The following KIAA1217 variants were observed in gnomAD, a reference collection of about 807,000 sequenced individuals.
The protein encoded by KIAA1217 is sickle tail protein homolog.
In KIAA1217, 88 loss-of-function variants were observed where a neutral mutation model predicts 163.9. That is an observed-to-expected ratio of 0.54 (90% CI 0.45 to 0.64). The LOEUF (loss-of-function observed/expected upper bound fraction) is 0.64. KIAA1217 is among the 30% of genes least tolerant of loss of function. KIAA1217 has a pLI of 0.00. For synonymous variants in KIAA1217, 903 were observed against 923.1 expected, an observed-to-expected ratio of 0.98 and a Z score of 0.39; for missense variants, 2,372 against 2,475.0, an observed-to-expected ratio of 0.96 and a Z score of 0.88.
intron 2 of KIAA1217, among the ~76,000 whole-genome samples, chr10:24,185,083 A>T (rs958764953): frequency 6.6e-6 from 1 of 152,166 alleles, no homozygotes; most frequent in Non-Finnish European, 1.5e-5. Context: ...TTAAGAAGAG[A>T]CTGCTCTTAC....
Position 24,252,421 on chromosome 10 carries a change from TA to T in KIAA1217, c.354+32521del, listed in dbSNP as rs200150975. Among the ~76,000 whole-genome samples, 17 of 150,920 alleles carry T rather than the reference TA, an allele frequency of 1.1e-4. No homozygotes were observed. In the East Asian group the frequency reaches 3.1e-3, roughly 28 times the overall value. On this transcript the variant is annotated intron_variant, in intron 2 of 20. Coordinates refer to ENST00000376454, the MANE Select transcript of KIAA1217 (RefSeq NM_019590.5). The stretch of plus-strand genomic sequence containing the variant: ...TGTGAGAGCCTGTCCCTACAAAAAA[TA>T]AAAAAAAATTAGCCAGGCATGCTGG...
intron 1 of KIAA1217, among the ~76,000 whole-genome samples, chr10:24,005,937 G>T (rs554162117): frequency 3.9e-5 from 6 of 152,110 alleles, no homozygotes; most frequent in Non-Finnish European, 8.8e-5. Context: ...TACTCATCAA[G>T]AACTTATAGC....
chr10:24,358,782 G>A (rs1465177585), intron 2 of KIAA1217, among the ~76,000 whole-genome samples: 1 of 152,276 alleles, frequency 6.6e-6, no homozygotes, highest in East Asian at 1.9e-4. Context: ...GCATTGCAAT[G>A]GCAAGGTCAT....
intron 2 of KIAA1217, among the ~76,000 whole-genome samples, chr10:24,107,319 A>C (rs1164673227): frequency 6.6e-6 from 1 of 152,080 alleles, no homozygotes; most frequent in African/African-American, 2.4e-5. Context: ...TGTCTTCACT[A>C]TTGTGAATAG....
intron 2 of KIAA1217, among the ~76,000 whole-genome samples, chr10:24,365,149 G>A (rs1055257819): frequency 6.6e-6 from 1 of 152,090 alleles, no homozygotes; most frequent in Non-Finnish European, 1.5e-5. Flanking sequence ...CTAAAGCAAT[G>A]GCTGTAGCGA....
intron 1 of KIAA1217, among the ~76,000 whole-genome samples, chr10:24,006,413 A>C (rs1186720563): frequency 6.6e-6 from 1 of 152,182 alleles, no homozygotes; most frequent in Non-Finnish European, 1.5e-5. Context: ...ACAAATTTCT[A>C]TTGGGAAAAA....
chr10:23,903,155 C>G (rs1297639142), intron 1 of KIAA1217, among the ~76,000 whole-genome samples: 1 of 152,094 alleles, frequency 6.6e-6, no homozygotes, highest in African/African-American at 2.4e-5. Flanking sequence ...GGAAATCCCT[C>G]CTCCATCCCT....
chr10:23,995,479 TGTGA>T (rs1388972266), intron 1 of KIAA1217, among the ~76,000 whole-genome samples: 20 of 151,098 alleles, frequency 1.3e-4, no homozygotes, highest in South Asian at 1.1e-3. Context: ...TGTGTGTGTG[TGTGA>T]GTGTGTGTGT....
rs576268043 is a variant in KIAA1217 at position 24,383,381 on chromosome 10, AGAACG to A, written c.553+2316_553+2320del. On this transcript the variant is annotated intron_variant, in intron 3 of 20. Transcript: ENST00000376454. Reference sequence around the variant, plus strand: ...AAGGAAGGAATTTCCTCTGCAGCCAAGAACGGTTGGCAGTGCAGGTTGAGACTTGC... The same window carrying A: ...AAGGAAGGAATTTCCTCTGCAGCCAAGTTGGCAGTGCAGGTTGAGACTTGC... Among the ~76,000 whole-genome samples, 138 of 152,340 alleles carry A rather than the reference AGAACG, an allele frequency of 9.1e-4. 1 individual carries two copies. The highest frequency in any genetic ancestry group is 3.2e-3 in the African/African-American group (135 of 41,590).
At chr10:24,192,529 C>A (rs1474610416) in intron 2 of KIAA1217, among the ~76,000 whole-genome samples, 1 of 152,208 alleles carries the variant, frequency 6.6e-6, no homozygotes, top group Non-Finnish European at 1.5e-5. Flanking sequence ...AGGTTAAGTT[C>A]ATCACATCCC....
In KIAA1217 at chr10:23,790,613, A is replaced by T. The variant is rs577058397; in HGVS notation, c.-321+95379A>T. ...CATATATACATGTACATATATACAT[A>T]TGTATATATACATATATATGTACAT... On this transcript the variant is annotated intron_variant, in intron 1 of 18. Coordinates refer to the KIAA1217 transcript ENST00000376462. Among the ~76,000 whole-genome samples, 3 of 126,316 alleles carry T rather than the reference A, an allele frequency of 2.4e-5. 1 individual carries two copies. The allele number at this position is 126,316 out of a possible 152,430, so 82.9% of individuals were successfully genotyped here. A position where few individuals can be genotyped will look rare whatever the true frequency, so the allele number is the denominator to read the frequency against.
At chr10:24,130,091 A>G (rs1243006100) in intron 2 of KIAA1217, among the ~76,000 whole-genome samples, 1 of 152,112 alleles carries the variant, frequency 6.6e-6, no homozygotes, top group Non-Finnish European at 1.5e-5. Flanking sequence ...TTTTACTCAC[A>G]TCCTTTCCTC....
intron 6 of KIAA1217, among the ~76,000 whole-genome samples, chr10:24,489,160 G>A (rs2065781162): frequency 6.6e-6 from 1 of 152,058 alleles, no homozygotes; most frequent in Non-Finnish European, 1.5e-5. Flanking sequence ...AGTTGTTACT[G>A]ACTACAGTGG....
chr10:24,309,376 A>ACACG (rs1554808002), intron 2 of KIAA1217, among the ~76,000 whole-genome samples: 1 of 151,632 alleles, frequency 6.6e-6, no homozygotes, highest in Non-Finnish European at 1.5e-5. Flanking sequence ...ACACACACAC[A>ACACG]CACGGGCTTC....
chr10:23,811,954 G>A (rs904978004), intron 1 of KIAA1217, among the ~76,000 whole-genome samples: 1 of 152,100 alleles, frequency 6.6e-6, no homozygotes, highest in Non-Finnish European at 1.5e-5. Context: ...ACGGGGTAGT[G>A]CATGCCTACA....
chr10:24,069,059 A>C (rs934520762), intron 2 of KIAA1217, among the ~76,000 whole-genome samples: 1 of 152,190 alleles, frequency 6.6e-6, no homozygotes, highest in Non-Finnish European at 1.5e-5. Flanking sequence ...CTCCACAGGG[A>C]AAAACTAGGA....
At chr10:24,326,518 T>A (rs1232325839) in intron 2 of KIAA1217, among the ~76,000 whole-genome samples, 1 of 152,240 alleles carries the variant, frequency 6.6e-6, no homozygotes, top group Non-Finnish European at 1.5e-5. Context: ...ATTCATTTTT[T>A]TCCAGTATGC....
In KIAA1217 at chr10:23,856,859, C is replaced by G. The variant is rs372906485; in HGVS notation, c.-320-150366C>G. Among the ~76,000 whole-genome samples, 4 of 152,298 alleles carry G rather than the reference C, an allele frequency of 2.6e-5. No individual in the cohort carries two copies. In the East Asian group the frequency reaches 7.7e-4, roughly 29 times the overall value. ...CTGGTGCGCCTTTTTTTAAGCCCAT[C>G]GGAAAAGCGCAGTATTAGGGTGGGA... On this transcript the variant is annotated intron_variant, in intron 1 of 18. Coordinates refer to the KIAA1217 transcript ENST00000376462.
intron 8 of KIAA1217, among the ~76,000 whole-genome samples, chr10:24,500,044 G>T (rs1318761594): frequency 2.6e-5 from 4 of 152,176 alleles, no homozygotes; most frequent in African/African-American, 9.7e-5. Context: ...AAAGGTTCCC[G>T]AAATGACTGA....
Sources: gnomAD v4.1 joint callset for allele counts (sites outside exome capture counted in the v4.1 genomes callset) on GRCh38, gnomAD v4.1.1 for gene constraint, MANE v1.5 for transcripts, NCBI Gene and HGNC (gene_info 2026-07-23, HGNC 2026-07-21) for gene names.